The following ADAM32 variants were observed in gnomAD, a reference collection of about 807,000 sequenced individuals.
ADAM32 encodes the protein disintegrin and metalloproteinase domain-containing protein 32.
Under a neutral mutation model 114.9 loss-of-function variants are expected in ADAM32, and 89 were observed. That is an observed-to-expected ratio of 0.77 (90% CI 0.65 to 0.92). The LOEUF (loss-of-function observed/expected upper bound fraction) is 0.92, where lower values mean the gene tolerates loss of function less well. Among genes scored for constraint, ADAM32 ranks in the 40% least tolerant of loss-of-function variants. The pLI, the probability that ADAM32 is intolerant of heterozygous loss-of-function variation, is 0.00. For missense variants in ADAM32, 870 were observed against 932.8 expected (o/e 0.93, Z 0.88); for synonymous variants, 285 against 307.5 (o/e 0.93, Z 0.77).
intron 20 of ADAM32, among the ~76,000 whole-genome samples, chr8:39,271,999 G>A (rs909359421): frequency 6.6e-6 from 1 of 151,414 alleles, no homozygotes; most frequent in Non-Finnish European, 1.5e-5. Context: ...AGGCATGGTG[G>A]CATGAGCCTG....
intron 18 of ADAM32, among the ~76,000 whole-genome samples, chr8:39,255,483 T>G (rs1290282625): frequency 6.6e-6 from 1 of 152,136 alleles, no homozygotes; most frequent in Non-Finnish European, 1.5e-5. Flanking sequence ...TCATTAGTGA[T>G]GTTGAGCATT....
intron 2 of ADAM32, among the ~76,000 whole-genome samples, chr8:39,123,704 CTTTTTT>C (rs34747712): frequency 1.5e-5 from 2 of 132,174 alleles, no homozygotes; most frequent in Non-Finnish European, 3.1e-5. Context: ...ATTTTCTTTC[CTTTTTT>C]TTTTTTTTTT....
intron 14 of ADAM32, among the ~76,000 whole-genome samples, chr8:39,228,284 C>T (rs1381734159): frequency 1.3e-5 from 2 of 152,086 alleles, no homozygotes; most frequent in African/African-American, 4.8e-5. Context: ...TTAACATCCC[C>T]CCAAAATCAC....
chr8:39,182,228 ACT>A (rs1805949669), intron 10 of ADAM32, among the ~76,000 whole-genome samples: 1 of 152,158 alleles, frequency 6.6e-6, no homozygotes, highest in Non-Finnish European at 1.5e-5. Context: ...GATAAAAGAA[ACT>A]CTACTTTGAC....
intron 11 of ADAM32, among the ~76,000 whole-genome samples, chr8:39,194,461 A>G (rs984359292): frequency 1.3e-5 from 2 of 152,146 alleles, no homozygotes; most frequent in Admixed American, 1.3e-4. Context: ...ACACACAGAC[A>G]CACACACCAG....
chr8:39,249,030 G>A (rs759848981), intron 17 of ADAM32, among the ~76,000 whole-genome samples: 1 of 151,586 alleles, frequency 6.6e-6, no homozygotes, highest in Non-Finnish European at 1.5e-5. Context: ...AGCCTCCCGA[G>A]TAGGTGGGAC....
rs754808674 is a variant in ADAM32, at chr8:39,165,054, A to G, written c.691A>G (p.Ile231Val). 1 of 1,606,006 alleles carries G rather than the reference A, an allele frequency of 6.2e-7. No individual in the cohort carries two copies. Residue 231 changes from isoleucine (I) to valine (V), a missense_variant, in exon 9 of 25, where the codon ATT becomes GTT. Ile to Val is a conservative substitution (Grantham distance 29, BLOSUM62 3). Coordinates refer to ENST00000379907, the MANE Select transcript of ADAM32 (RefSeq NM_145004.7). ...GATGTTCACCCAATTTAAAGTTACTATTGTGCTGTCATCATTGGAGTTATG... is the reference window on the plus strand; with the variant it reads ...GATGTTCACCCAATTTAAAGTTACTGTTGTGCTGTCATCATTGGAGTTATG... ...NSMFTQFKVT[I>V]VLSSLELWSD...
intron 19 of ADAM32, among the ~76,000 whole-genome samples, chr8:39,269,255 ACT>A (rs1812563091): frequency 6.6e-6 from 1 of 151,356 alleles, no homozygotes; most frequent in African/African-American, 2.4e-5. Context: ...CAGCCTGAAA[ACT>A]CTCTCTAGGC....
chr8:39,154,354 G>T (rs1804016504), intron 6 of ADAM32, among the ~76,000 whole-genome samples: 1 of 152,054 alleles, frequency 6.6e-6, no homozygotes, highest in Admixed American at 6.6e-5. Flanking sequence ...CCATGTCCCT[G>T]CAAAGGACAT....
At chr8:39,166,111 T>C (rs1259766259) in intron 9 of ADAM32, 1 of 152,174 alleles carries the variant, frequency 6.6e-6, no homozygotes, top group East Asian at 1.9e-4. Context: ...GTAAGTTCTT[T>C]AGTGGTGATT....
chr8:39,270,832 A>G, intron 19 of ADAM32, 44 bp from the exon 20 acceptor site: 1 of 1,525,442 alleles, frequency 6.6e-7, no homozygotes, highest in East Asian at 2.3e-5. Flanking sequence ...GAAGTTGGCA[A>G]GTTTTCTAAG....
intron 16 of ADAM32, among the ~76,000 whole-genome samples, chr8:39,236,989 C>G (rs962636908): frequency 3.3e-5 from 5 of 152,142 alleles, no homozygotes; most frequent in Admixed American, 2.6e-4. Flanking sequence ...AAAGAAGCAG[C>G]TTGCCACTAC....
intron 2 of ADAM32, among the ~76,000 whole-genome samples, chr8:39,125,287 C>G (rs1802046782): frequency 6.6e-6 from 1 of 151,972 alleles, no homozygotes; most frequent in East Asian, 1.9e-4. Flanking sequence ...ATTTGTCTTG[C>G]TAGGTTTTGG....
chr8:39,183,907 T>G (rs969262501), intron 10 of ADAM32, among the ~76,000 whole-genome samples: 2 of 152,234 alleles, frequency 1.3e-5, no homozygotes, highest in Admixed American at 1.3e-4. Flanking sequence ...TCAGAATCAC[T>G]GCAGACAGGC....
intron 19 of ADAM32, among the ~76,000 whole-genome samples, chr8:39,268,188 G>T (rs1017252454): frequency 3.3e-5 from 5 of 152,192 alleles, no homozygotes; most frequent in African/African-American, 1.2e-4. Flanking sequence ...TTCCAAAGTG[G>T]TTTTGTCATC....
chr8:39,197,935 A>T (rs981959886), intron 11 of ADAM32, among the ~76,000 whole-genome samples: 14 of 152,062 alleles, frequency 9.2e-5, no homozygotes, highest in African/African-American at 3.4e-4. Flanking sequence ...AACAACTATT[A>T]TTGTATTGGG....
chr8:39,219,394 A>T (rs528459507), intron 12 of ADAM32, among the ~76,000 whole-genome samples: 1 of 152,178 alleles, frequency 6.6e-6, no homozygotes, highest in Non-Finnish European at 1.5e-5. Flanking sequence ...AGAGTACTCC[A>T]GCCCATGGTG....
At chr8:39,152,204 T>G (rs756687141) in intron 6 of ADAM32, among the ~76,000 whole-genome samples, 31 of 152,168 alleles carry the variant, frequency 2.0e-4, no homozygotes, top group Non-Finnish European at 3.5e-4. Flanking sequence ...AATTAAATCA[T>G]AGATATAATT....
At chr8:39,150,495 A>G (rs1210489922) in intron 5 of ADAM32, among the ~76,000 whole-genome samples, 1 of 152,190 alleles carries the variant, frequency 6.6e-6, no homozygotes, top group Non-Finnish European at 1.5e-5. Context: ...ATAAAAACAA[A>G]TAATTTTTAA....
Sources: allele counts gnomAD v4.1 joint callset (sites outside exome capture counted in the v4.1 genomes callset), GRCh38; gene constraint gnomAD v4.1.1; transcripts MANE v1.5; gene names NCBI Gene and HGNC (gene_info 2026-07-23, HGNC 2026-07-21).